Variants in TYW1 observed in about 807,000 individuals in gnomAD.
TYW1 encodes S-adenosyl-L-methionine-dependent tRNA 4-demethylwyosine synthase TYW1.
Under a neutral mutation model 96.2 loss-of-function variants are expected in TYW1, and 46 were observed. The ratio of observed to expected loss-of-function variants is 0.48; its 90% CI spans 0.38 to 0.61. The LOEUF is 0.61. Ranked by LOEUF, TYW1 falls within the 20% of genes least tolerant of loss-of-function variation. The probability of loss-of-function intolerance (pLI) is 0.00; values close to 1 mark genes in which losing one functional copy is unlikely to be tolerated. For synonymous variants in TYW1, 274 were observed against 323.0 expected (o/e 0.85, Z 1.63); for missense variants, 684 against 909.6 (o/e 0.75, Z 3.19).
chr7:67,161,826 T>A (rs62464972), intron 13 of TYW1, among the ~76,000 whole-genome samples: 6,142 of 152,230 alleles, frequency 0.04, 180 homozygotes, highest in Middle Eastern at 0.1. Context: ...CGTTCTTATG[T>A]GTCAGACATA....
intron 15 of TYW1, among the ~76,000 whole-genome samples, chr7:67,205,945 T>C (rs1364291637): frequency 6.6e-6 from 1 of 152,236 alleles, no homozygotes; most frequent in Non-Finnish European, 1.5e-5. Flanking sequence ...TGCCTTCTTA[T>C]CTCTACCTTT....
chr7:67,039,341 C>T (rs1794941181), intron 7 of TYW1, among the ~76,000 whole-genome samples: 1 of 151,762 alleles, frequency 6.6e-6, no homozygotes, highest in African/African-American at 2.4e-5. Flanking sequence ...ACCTGTAGTC[C>T]CAGCTACTCG....
intron 7 of TYW1, among the ~76,000 whole-genome samples, chr7:67,046,678 A>G (rs57571665): frequency 1.3e-5 from 2 of 151,732 alleles, no homozygotes; most frequent in African/African-American, 2.4e-5. Context: ...GGTGCATTCA[A>G]CTCCCTTGCG....
At position 67,008,311 on chromosome 7, in the gene TYW1, T is replaced by C. The variant is rs530966465; in HGVS notation, c.274-1272T>C. 2.6e-5 allele frequency among the ~76,000 whole-genome samples: 4 copies of C among 152,306 alleles called. No individual in the cohort carries two copies. The South Asian group carries it at 8.3e-4, about 32-fold the overall frequency. On this transcript the variant is annotated intron_variant, in intron 3 of 15. Transcript: ENST00000359626. ...GGTTTTTCTTGGAGGCTCCATTACATAGGCACGATTGATTAAATCATTGGC... is the reference window on the plus strand; with the variant it reads ...GGTTTTTCTTGGAGGCTCCATTACACAGGCACGATTGATTAAATCATTGGC...
intron 12 of TYW1, among the ~76,000 whole-genome samples, chr7:67,101,952 T>C (rs1797100008): frequency 6.6e-6 from 1 of 152,238 alleles, no homozygotes; most frequent in Admixed American, 6.5e-5. Flanking sequence ...AAGAAGTCAA[T>C]GTGTCTGTTT....
chr7:67,235,811 G>C (rs537846203), intron 15 of TYW1, among the ~76,000 whole-genome samples: 1 of 149,624 alleles, frequency 6.7e-6, no homozygotes, highest in African/African-American at 2.5e-5. Flanking sequence ...GGAGAATGGC[G>C]AGAACCCGGG....
chr7:67,156,155 C>A (rs568156314), intron 13 of TYW1, among the ~76,000 whole-genome samples: 1 of 152,022 alleles, frequency 6.6e-6, no homozygotes, highest in Non-Finnish European at 1.5e-5. Context: ...GGGTCCTGGT[C>A]GGGCCAGTCT....
chr7:67,091,965 T>G (rs922272283), intron 11 of TYW1, among the ~76,000 whole-genome samples: 2 of 152,226 alleles, frequency 1.3e-5, no homozygotes, highest in Non-Finnish European at 2.9e-5. Flanking sequence ...CCTCCTGTCC[T>G]CGTGGCTGCT....
intron 8 of TYW1, among the ~76,000 whole-genome samples, chr7:67,050,868 C>T (rs1362228362): frequency 1.3e-5 from 2 of 151,762 alleles, no homozygotes; most frequent in African/African-American, 2.4e-5. Context: ...AACATTTTCA[C>T]GAATAGTTGC....
intron 15 of TYW1, among the ~76,000 whole-genome samples, chr7:67,201,687 AGTT>A (rs1005067328): frequency 5.8e-4 from 89 of 152,314 alleles, no homozygotes; most frequent in African/African-American, 2.0e-3. Flanking sequence ...GATTATGAGA[AGTT>A]GTCCTTAGAA....
chr7:67,183,130 A>G lies in TYW1; in HGVS notation c.1703A>G (p.Gln568Arg). ...TTGGCTTTTCCTTTGTTTTAGCAAC[A>G]ACGAACTGTCTACAGACTGACGCTC... ...DSLKALAVKQQRTVYRLTLVK... is the reference protein window; with the variant it reads ...DSLKALAVKQRRTVYRLTLVK... Residue 568 changes from glutamine (Q) to arginine (R), a missense_variant, in exon 14 of 16, where the codon CAA becomes CGA. By Grantham distance (43) the Gln-to-Arg change is conservative. Transcript: ENST00000359626. 1 of 1,608,438 alleles carries G rather than the reference A, an allele frequency of 6.2e-7. No individual in the cohort carries two copies. Among genetic ancestry groups the G allele is most frequent in the Non-Finnish European group, 8.5e-7 (1 of 1,177,096 alleles).
chr7:67,014,416 G>A lies in TYW1; in HGVS notation c.425G>A (p.Gly142Asp), dbSNP rs778388200. Reference protein sequence around the residue: ...CVFLVATYTDGLPTESAEWFC... With the variant: ...CVFLVATYTDDLPTESAEWFC... ...TTCCTGGTTGCGACATACACTGACG[G>A]CCTACCAACTGAAAGTGCAGAGTGG... The change falls in exon 5 of 16, where the codon GGC becomes GAC. Residue 142 changes from glycine to aspartate, a missense_variant. Coordinates refer to ENST00000359626, the MANE Select transcript of TYW1 (RefSeq NM_018264.4). The A allele has an allele frequency of 1.9e-6, 3 of 1,613,778 alleles. No individual in the cohort carries two copies. The highest frequency in any genetic ancestry group is 1.7e-6 in the Non-Finnish European group (2 of 1,179,810).
chr7:67,059,475 A>G (rs1054921807), intron 9 of TYW1, among the ~76,000 whole-genome samples: 5 of 151,518 alleles, frequency 3.3e-5, no homozygotes, highest in African/African-American at 1.2e-4. Context: ...CATTGGCTGC[A>G]AAGATCAGTA....
intron 13 of TYW1, among the ~76,000 whole-genome samples, chr7:67,122,418 A>G (rs1360476386): frequency 6.6e-6 from 1 of 152,192 alleles, no homozygotes; most frequent in Non-Finnish European, 1.5e-5. Context: ...AAAAACAAAC[A>G]TTTCACATTT....
chr7:67,115,399 G>A (rs6460321), intron 12 of TYW1, among the ~76,000 whole-genome samples: 41,488 of 151,932 alleles, frequency 0.27, 6,418 homozygotes, highest in African/African-American at 0.42. Flanking sequence ...CTCAGTAGTG[G>A]CACATTACCT....
intron 12 of TYW1, among the ~76,000 whole-genome samples, chr7:67,103,633 TCTTA>T (rs1797156603): frequency 6.6e-6 from 1 of 152,240 alleles, no homozygotes; most frequent in Non-Finnish European, 1.5e-5. Flanking sequence ...GAGGAGATAA[TCTTA>T]CTTATTTCTG....
intron 12 of TYW1, among the ~76,000 whole-genome samples, chr7:67,112,100 C>CAAAAAAAAAA (rs538839042): frequency 2.0e-4 from 19 of 94,854 alleles, no homozygotes; most frequent in East Asian, 1.5e-3. Flanking sequence ...CTCTGTCTGA[C>CAAAAAAAAAA]AAAAAAAAAA....
chr7:67,082,705 T>A (rs1796425006), intron 10 of TYW1, among the ~76,000 whole-genome samples: 1 of 152,058 alleles, frequency 6.6e-6, no homozygotes, highest in Non-Finnish European at 1.5e-5. Flanking sequence ...TGGCGTTGTG[T>A]CTGTCTTGGG....
chr7:67,187,090 G>T (rs1411954600), intron 14 of TYW1, among the ~76,000 whole-genome samples: 1 of 124,074 alleles, frequency 8.1e-6, no homozygotes, highest in Non-Finnish European at 1.6e-5. Flanking sequence ...TTGAGATAGG[G>T]TCTTACTCTG....
Sources: allele counts gnomAD v4.1 joint callset (sites outside exome capture counted in the v4.1 genomes callset), GRCh38; gene constraint gnomAD v4.1.1; transcripts MANE v1.5; gene names NCBI Gene and HGNC (gene_info 2026-07-23, HGNC 2026-07-21).